PPARGC1A: variants seen among roughly 807,000 people sequenced by gnomAD.
PPARGC1A encodes peroxisome proliferator-activated receptor gamma coactivator 1-alpha.
A neutral mutation model predicts 88.7 loss-of-function variants in PPARGC1A; 25 were observed. That is an observed-to-expected ratio of 0.28 (90% CI 0.21 to 0.39). The LOEUF is 0.39. Ranked by LOEUF, PPARGC1A falls within the 10% of genes least tolerant of loss-of-function variation. PPARGC1A has a pLI of 1.00. For synonymous variants in PPARGC1A, 363 were observed against 355.6 expected (o/e 1.02, Z -0.24); for missense variants, 880 against 968.7 (o/e 0.91, Z 1.22).
At chr4:23,858,284 G>A (rs895839242) in intron 2 of PPARGC1A, among the ~76,000 whole-genome samples, 2 of 152,060 alleles carry the variant, frequency 1.3e-5, no homozygotes, top group Admixed American at 6.6e-5. Context: ...AGGAGGGCAG[G>A]ATTTTTTTTA....
At chr4:23,945,068 G>T in the PPARGC1A span, among the ~76,000 whole-genome samples, 1 of 152,014 alleles carries the variant, frequency 6.6e-6, no homozygotes, top group Non-Finnish European at 1.5e-5. Flanking sequence ...ATAGGGGCTA[G>T]TATGTATAAA....
the PPARGC1A span, among the ~76,000 whole-genome samples, chr4:23,950,631 C>T: frequency 6.6e-6 from 1 of 152,096 alleles, no homozygotes; most frequent in Admixed American, 6.6e-5. Context: ...CATAAGTTAA[C>T]AATTAAGATC....
chr4:24,284,054 T>C, the PPARGC1A span, among the ~76,000 whole-genome samples: 2 of 150,188 alleles, frequency 1.3e-5, no homozygotes, highest in Admixed American at 1.3e-4. Flanking sequence ...AGGCTGAGAC[T>C]GGTGGATTAC....
chr4:24,308,173 T>C, the PPARGC1A span, among the ~76,000 whole-genome samples: 67 of 151,330 alleles, frequency 4.4e-4, no homozygotes, highest in African/African-American at 1.5e-3. Context: ...ATGCCTGTAA[T>C]CTCAGCTACT....
chr4:24,400,112 A>T, the PPARGC1A span, among the ~76,000 whole-genome samples: 72,770 of 151,904 alleles, frequency 0.48, 17,796 homozygotes, highest in East Asian at 0.63. Flanking sequence ...TATTCTATGG[A>T]GTAATTCTTA....
the PPARGC1A span, among the ~76,000 whole-genome samples, chr4:24,093,513 G>C: frequency 6.6e-6 from 1 of 152,196 alleles, no homozygotes; most frequent in East Asian, 1.9e-4. Flanking sequence ...ATATACAGAT[G>C]CTTCTCAGAG....
At chr4:24,019,017 A>C in the PPARGC1A span, among the ~76,000 whole-genome samples, 1 of 152,210 alleles carries the variant, frequency 6.6e-6, no homozygotes, top group Non-Finnish European at 1.5e-5. Context: ...AACAAACAAT[A>C]GAATGATACT....
the PPARGC1A span, among the ~76,000 whole-genome samples, chr4:24,142,424 G>A: frequency 7.8e-4 from 119 of 151,772 alleles, no homozygotes; most frequent in African/African-American, 2.7e-3. Context: ...TATAATCCCA[G>A]CACTTTGGAA....
At chr4:24,183,245 T>C in the PPARGC1A span, among the ~76,000 whole-genome samples, 37 of 152,290 alleles carry the variant, frequency 2.4e-4, 1 homozygote, top group African/African-American at 8.7e-4. Context: ...AAGCACCCTA[T>C]ATATATCTTC....
At chr4:24,121,442 G>A in the PPARGC1A span, among the ~76,000 whole-genome samples, 1 of 152,230 alleles carries the variant, frequency 6.6e-6, no homozygotes, top group East Asian at 1.9e-4. Flanking sequence ...AGACACAACT[G>A]CTAGGGGGAG....
chr4:24,299,936 A>G, the PPARGC1A span, among the ~76,000 whole-genome samples: 1 of 152,234 alleles, frequency 6.6e-6, no homozygotes, highest in African/African-American at 2.4e-5. Flanking sequence ...CTGAGATCAT[A>G]GTCTGCATCA....
chr4:24,138,176 T>G, the PPARGC1A span, among the ~76,000 whole-genome samples: 1 of 152,140 alleles, frequency 6.6e-6, no homozygotes, highest in African/African-American at 2.4e-5. Context: ...CACTGCCAGG[T>G]TTGCAGTTAA....
intron 2 of PPARGC1A, among the ~76,000 whole-genome samples, chr4:23,858,401 A>C (rs1212759491): frequency 6.6e-6 from 1 of 152,182 alleles, no homozygotes; most frequent in Non-Finnish European, 1.5e-5. Context: ...TATTTTACAA[A>C]AGGAGAAAAA....
intron 2 of PPARGC1A, among the ~76,000 whole-genome samples, chr4:23,880,290 T>C (rs1201324669): frequency 6.6e-6 from 1 of 152,244 alleles, no homozygotes; most frequent in Non-Finnish European, 1.5e-5. Context: ...CCAAACTAGA[T>C]TTAAAGTCCT....
chr4:24,158,925 C>T, the PPARGC1A span, among the ~76,000 whole-genome samples: 1 of 152,148 alleles, frequency 6.6e-6, no homozygotes, highest in East Asian at 1.9e-4. Flanking sequence ...TTTCCTACAT[C>T]TTATCACCTC....
the PPARGC1A span, among the ~76,000 whole-genome samples, chr4:24,021,127 C>T: frequency 1.3e-5 from 2 of 152,244 alleles, no homozygotes; most frequent in African/African-American, 4.8e-5. Context: ...CCATAGCAGG[C>T]AAGCAGTGTT....
the PPARGC1A span, among the ~76,000 whole-genome samples, chr4:24,264,644 C>G: frequency 2.0e-4 from 31 of 152,234 alleles, no homozygotes; most frequent in Non-Finnish European, 4.0e-4. Context: ...AGTTCAAATG[C>G]AGTAATGCAA....
the PPARGC1A span, among the ~76,000 whole-genome samples, chr4:23,927,546 A>T: frequency 6.6e-6 from 1 of 152,132 alleles, no homozygotes; most frequent in Non-Finnish European, 1.5e-5. Context: ...AGTTTTACAA[A>T]ATTTTCTAAT....
chr4:23,922,722 TGAACAGAAG>T, the PPARGC1A span, among the ~76,000 whole-genome samples: 5 of 152,208 alleles, frequency 3.3e-5, no homozygotes, highest in African/African-American at 9.6e-5. Flanking sequence ...CATCTATGAA[TGAACAGAAG>T]GCATCCCGTG....
Sources: allele counts gnomAD v4.1 joint callset (sites outside exome capture counted in the v4.1 genomes callset), GRCh38; gene constraint gnomAD v4.1.1; transcripts MANE v1.5; gene names NCBI Gene and HGNC (gene_info 2026-07-23, HGNC 2026-07-21).